Variants in RBFOX1 observed in about 807,000 individuals in gnomAD.
The protein encoded by RBFOX1 is RNA binding protein fox-1 homolog 1.
Under a neutral mutation model 57.7 loss-of-function variants are expected in RBFOX1, and 8 were observed. That is an observed-to-expected ratio of 0.14 (90% CI 0.08 to 0.25). RBFOX1 has a LOEUF of 0.25. Ranked by LOEUF, RBFOX1 falls within the 10% of genes least tolerant of loss-of-function variation. RBFOX1 has a pLI of 1.00. For missense variants in RBFOX1, 611 were observed against 548.5 expected (o/e 1.11, Z -1.14); for synonymous variants, 326 against 222.4 (o/e 1.47, Z -4.15).
chr16:7,677,366 G>T (rs948507149), intron 14 of RBFOX1, among the ~76,000 whole-genome samples: 1 of 152,084 alleles, frequency 6.6e-6, no homozygotes, highest in Non-Finnish European at 1.5e-5. Flanking sequence ...CATTCATAAG[G>T]AGATTGATTC....
chr16:6,932,146 C>G (rs1406746821), intron 3 of RBFOX1, among the ~76,000 whole-genome samples: 3 of 152,184 alleles, frequency 2.0e-5, no homozygotes, highest in Non-Finnish European at 4.4e-5. Context: ...ATCTGTCACC[C>G]AGCCTGGAGT....
At chr16:5,596,008 G>A (rs181149011) in intron 2 of RBFOX1, among the ~76,000 whole-genome samples, 1 of 152,264 alleles carries the variant, frequency 6.6e-6, no homozygotes, top group Admixed American at 6.5e-5. Flanking sequence ...CTGTGCTCCT[G>A]ATGAAAATGA....
intron 2 of RBFOX1, among the ~76,000 whole-genome samples, chr16:6,472,175 A>G (rs2095191755): frequency 6.6e-6 from 1 of 152,198 alleles, no homozygotes; most frequent in African/African-American, 2.4e-5. Context: ...CTTGGAGAGA[A>G]TCTGATTTGA....
At chr16:5,691,052 A>G (rs1399367464) in intron 3 of RBFOX1, among the ~76,000 whole-genome samples, 1 of 152,190 alleles carries the variant, frequency 6.6e-6, no homozygotes, top group African/African-American at 2.4e-5. Flanking sequence ...AGAGATGGAA[A>G]TAATATGAGC....
chr16:7,513,584 C>T (rs1600543543), intron 4 of RBFOX1, among the ~76,000 whole-genome samples: 1 of 152,126 alleles, frequency 6.6e-6, no homozygotes, highest in African/African-American at 2.4e-5. Flanking sequence ...CATTCCTGGC[C>T]TCCACCCACT....
chr16:7,679,197 A>G (rs993618390), intron 14 of RBFOX1, among the ~76,000 whole-genome samples: 2 of 152,226 alleles, frequency 1.3e-5, no homozygotes, highest in Non-Finnish European at 2.9e-5. Context: ...TAATAAGCAG[A>G]TATTGAGAAA....
intron 3 of RBFOX1, among the ~76,000 whole-genome samples, chr16:5,866,643 G>T (rs924862708): frequency 6.6e-6 from 1 of 152,194 alleles, no homozygotes; most frequent in African/African-American, 2.4e-5. Context: ...GAACATCTAC[G>T]TGACTTTATG....
chr16:6,524,003 A>G lies in RBFOX1; in HGVS notation c.-63-130600A>G, dbSNP rs2096544420. ...TCATGCATTTATCCTTTGTGGTATA[A>G]ATAAATCCAATTACACTCTTTATTT... On this transcript the variant is annotated intron_variant, in intron 2 of 15. Coordinates refer to ENST00000550418, the MANE Select transcript of RBFOX1 (RefSeq NM_018723.4). 3.9e-5 allele frequency among the ~76,000 whole-genome samples: 6 copies of G among 152,172 alleles called. No individual in the cohort carries two copies. In the South Asian group the frequency reaches 1.2e-3, roughly 31 times the overall value.
chr16:6,003,587 A>T (rs1239928619), intron 4 of RBFOX1, among the ~76,000 whole-genome samples: 1 of 152,122 alleles, frequency 6.6e-6, no homozygotes, highest in Non-Finnish European at 1.5e-5. Context: ...GCCTTTTTAA[A>T]TACAGCGACA....
intron 3 of RBFOX1, among the ~76,000 whole-genome samples, chr16:5,829,898 T>C (rs1028635337): frequency 2.6e-5 from 4 of 152,208 alleles, no homozygotes; most frequent in Admixed American, 6.5e-5. Context: ...TGGTTTTTTT[T>C]TCCCCTTAGG....
chr16:6,884,924 C>A (rs981049634), intron 3 of RBFOX1, among the ~76,000 whole-genome samples: 1 of 152,008 alleles, frequency 6.6e-6, no homozygotes, highest in African/African-American at 2.4e-5. Flanking sequence ...CAAAAAAACC[C>A]TGCAAATATT....
At chr16:6,373,966 T>A (rs1250724507) in intron 2 of RBFOX1, among the ~76,000 whole-genome samples, 1 of 152,210 alleles carries the variant, frequency 6.6e-6, no homozygotes, top group African/African-American at 2.4e-5. Flanking sequence ...CAGGAATGGA[T>A]GATTTATCTT....
intron 3 of RBFOX1, among the ~76,000 whole-genome samples, chr16:6,972,379 G>A (rs546056683): frequency 3.3e-5 from 5 of 152,104 alleles, no homozygotes; most frequent in Non-Finnish European, 5.9e-5. Flanking sequence ...ATATCACTTA[G>A]CATAATGTCC....
intron 3 of RBFOX1, among the ~76,000 whole-genome samples, chr16:6,985,234 C>G (rs139121464): frequency 2.0e-5 from 3 of 149,346 alleles, no homozygotes; most frequent in East Asian, 2.0e-4. Context: ...GGCCTCTTGT[C>G]TTTTCTGGGC....
At chr16:6,715,372 A>G (rs1397023502) in intron 3 of RBFOX1, among the ~76,000 whole-genome samples, 3 of 152,074 alleles carry the variant, frequency 2.0e-5, no homozygotes, top group Admixed American at 6.6e-5. Context: ...GTGATTTTGA[A>G]TGCTGCAGCT....
chr16:5,824,443 T>C (rs939848043), intron 3 of RBFOX1, among the ~76,000 whole-genome samples: 9 of 152,166 alleles, frequency 5.9e-5, no homozygotes, highest in Non-Finnish European at 1.2e-4. Context: ...TGTCTCCATT[T>C]GTCTCAGAAA....
intron 3 of RBFOX1, among the ~76,000 whole-genome samples, chr16:6,937,603 A>C (rs549795043): frequency 8.5e-5 from 13 of 152,180 alleles, no homozygotes; most frequent in African/African-American, 3.1e-4. Context: ...AATCAAATAC[A>C]TGTGAGATTT....
intron 4 of RBFOX1, among the ~76,000 whole-genome samples, chr16:7,127,952 C>T (rs1295725290): frequency 6.6e-6 from 1 of 152,210 alleles, no homozygotes; most frequent in Non-Finnish European, 1.5e-5. Context: ...TACACAACTG[C>T]AAAGGTCCGA....
At chr16:6,202,800 G>C (rs114880960) in intron 1 of RBFOX1, among the ~76,000 whole-genome samples, 4,291 of 151,880 alleles carry the variant, frequency 0.028, 212 homozygotes, top group African/African-American at 0.097. Context: ...TTTTCATTTT[G>C]TTTCTGAGAC....
Sources: gnomAD v4.1 joint callset for allele counts (sites outside exome capture counted in the v4.1 genomes callset) on GRCh38, gnomAD v4.1.1 for gene constraint, MANE v1.5 for transcripts, NCBI Gene and HGNC (gene_info 2026-07-23, HGNC 2026-07-21) for gene names.